TNXB: variants seen among roughly 807,000 people sequenced by gnomAD.
TNXB encodes tenascin XB, also known as tenascin-X.
TNXB carries 183 observed loss-of-function variants against 340.5 expected under a neutral mutation model. The observed-to-expected ratio is 0.54, with a 90% confidence interval of 0.48 to 0.61. The LOEUF is 0.61. Among genes scored for constraint, TNXB ranks in the 20% least tolerant of loss-of-function variants. The pLI is 0.00. For missense variants in TNXB, 4,613 were observed against 5,446.4 expected (o/e 0.85, Z 4.82); for synonymous variants, 2,121 against 2,314.5 (o/e 0.92, Z 2.40).
In TNXB at chr6:32,043,894, T is replaced by C. The variant is rs750416041; in HGVS notation, c.11387-2A>G. On this transcript the variant is annotated splice_acceptor_variant, in intron 34 of 43. Transcript: ENST00000644971. LOFTEE classifies it high-confidence loss of function. ...CCACCTGCACACTCTGAGGCTCCCC[T>C]GAAAACATTGGGGATCGAGGGTTAC... is the stretch of plus-strand genomic sequence containing the variant. 23 of 1,613,394 alleles carry C rather than the reference T, an allele frequency of 1.4e-5. No homozygotes were observed. Among genetic ancestry groups the C allele is most frequent in the Non-Finnish European group, 1.9e-5 (23 of 1,179,962 alleles).
Position 32,052,890 on chromosome 6 carries a change from A to T in TNXB, c.8895T>A (p.Pro2965=). 6.2e-7 allele frequency: 1 copy of T among 1,612,936 alleles called. No homozygotes were observed. The highest frequency in any genetic ancestry group is 8.5e-7 in the Non-Finnish European group (1 of 1,179,856). The change falls in exon 26 of 44, where the codon CCT becomes CCA. Residue 2965 remains proline (P), a synonymous_variant. Coordinates refer to ENST00000644971, the MANE Select transcript of TNXB (RefSeq NM_001365276.2). This position sits in a 1 kb window ranked among gnomAD's most constrained non-coding sequence, Gnocchi z 4.7. ...TGGTCCAGGAGAGGCTCAGCGAGTCAGGGGAGGATCCTGTCACTGTCAGCT... is the reference window on the plus strand; with the variant it reads ...TGGTCCAGGAGAGGCTCAGCGAGTCTGGGGAGGATCCTGTCACTGTCAGCT... ...LGELTVTGSS[P]DSLSLSWTIP... is the part of the protein sequence containing the mutation.
At chr6:32,048,760 C>A in intron 28 of TNXB, 110 bp from the exon 29 acceptor site, 1 of 1,121,162 alleles carries the variant, frequency 8.9e-7, no homozygotes, top group Non-Finnish European at 1.2e-6. Context: ...CTCTAAAACG[C>A]TTGTTTTAGA....
intron 18 of TNXB, among the ~76,000 whole-genome samples, 163 bp from the exon 19 acceptor site, chr6:32,065,280 C>T (rs1391378254): frequency 6.6e-6 from 1 of 152,152 alleles, no homozygotes; most frequent in Non-Finnish European, 1.5e-5. Flanking sequence ...TATGGTCCCT[C>T]AACCATGCCA....
At chr6:32,105,943 G>A (rs1780955500) in intron 1 of TNXB, among the ~76,000 whole-genome samples, 1 of 152,178 alleles carries the variant, frequency 6.6e-6, no homozygotes, top group South Asian at 2.1e-4. Context: ...AATAAAGCAG[G>A]AATGAACTAT....
chr6:32,054,800 G>A (rs1364818931), intron 24 of TNXB, among the ~76,000 whole-genome samples: 1 of 152,204 alleles, frequency 6.6e-6, no homozygotes, highest in African/African-American at 2.4e-5. Flanking sequence ...TGACACCCGT[G>A]AGCTGCCCTT....
chr6:32,078,447 CAAAAAA>C (rs755788673), intron 11 of TNXB: 4 of 57,226 alleles, frequency 7.0e-5, no homozygotes, highest in Non-Finnish European at 1.0e-4. Context: ...GACTCTGTCT[CAAAAAA>C]AAAAAAAAAA....
chr6:32,066,134 G>A (rs1778322899), intron 18 of TNXB, among the ~76,000 whole-genome samples: 2 of 152,172 alleles, frequency 1.3e-5, no homozygotes, highest in East Asian at 3.8e-4. Flanking sequence ...GCTCATGCCT[G>A]CTATCCCAGC....
chr6:32,081,667 T>C lies in TNXB; in HGVS notation c.3743A>G (p.Glu1248Gly), dbSNP rs1371252877. ...PLTADGTTAP[E>G]RKEEPPRPEF... ...AGGGCGGGGGGGCTCCTCTTTCCTC[T>C]CTGGAGCTGTAAACAAGGAGATCCA... is the stretch of plus-strand genomic sequence containing the variant. Residue 1248 changes from glutamate (E) to glycine (G), a missense_variant, in exon 10 of 44, where the codon GAG (glutamate) becomes GGG (glycine). Physicochemically the swap from Glu to Gly is moderately conservative, Grantham distance 98 (BLOSUM62 -2). Around this residue, in one of 7 missense-constraint regions of TNXB, gnomAD observed 4,327 missense variants for 4,859.4 expected, o/e 0.89. Transcript: ENST00000644971. This position sits in a 1 kb window ranked among gnomAD's most constrained non-coding sequence, Gnocchi z 5.1. The C allele has an allele frequency of 1.3e-6, 2 of 1,575,582 alleles. No individual in the cohort carries two copies. The highest frequency in any genetic ancestry group is 1.4e-5 in the African/African-American group (1 of 73,996).
In TNXB at chr6:32,047,768, T is replaced by G. The variant is rs763736020; in HGVS notation, c.10290A>C (p.Lys3430Asn). The G allele has an allele frequency of 6.2e-7, 1 of 1,605,970 alleles. No homozygotes were observed. Among genetic ancestry groups the G allele is most frequent in the Non-Finnish European group, 8.5e-7 (1 of 1,176,832 alleles). The change falls in exon 30 of 44, where the codon AAA becomes AAC. Residue 3430 changes from lysine to asparagine, a missense_variant. This residue lies in a region of TNXB where 4,327 missense variants were observed against 4,859.4 expected (regional missense o/e 0.89). Coordinates refer to ENST00000644971, the MANE Select transcript of TNXB (RefSeq NM_001365276.2). This position sits in a 1 kb window ranked among gnomAD's most constrained non-coding sequence, Gnocchi z 6.2. ...TGTCAGCAGAGATGGGGCCCAGTCG[T>G]TTCCTGCCTGACAGACCATAGAGCA... ...RFLLYGLSGRKRLGPISADST... is the reference protein window; with the variant it reads ...RFLLYGLSGRNRLGPISADST...
Position 32,050,124 on chromosome 6 carries a change from G to T in TNXB, c.9313C>A (p.Arg3105=). ...ACCCCGTCCTCGTGCCCCGGCACCC[G>T]CACCGCCTTGGGCTGCCCATCCCCA... is the stretch of plus-strand genomic sequence containing the variant. ...RNGDGQPKAV[R]VPGHEDGVTI... The change falls in exon 27 of 44, where the codon CGG becomes AGG. Residue 3105 remains arginine, a synonymous_variant. Coordinates refer to ENST00000644971, the MANE Select transcript of TNXB (RefSeq NM_001365276.2). The T allele has an allele frequency of 6.2e-7, 1 of 1,613,760 alleles. No homozygotes were observed. The highest frequency in any genetic ancestry group is 8.5e-7 in the Non-Finnish European group (1 of 1,179,876).
rs1030196926 is a variant in TNXB at position 32,071,570 on chromosome 6, TTTTC to T, written c.4990+416_4990+419del. Among the ~76,000 whole-genome samples the T allele has an allele frequency of 1.4e-4, 17 of 124,360 alleles. No individual in the cohort carries two copies. In the East Asian group the frequency reaches 2.2e-3, roughly 16 times the overall value. 81.6% of individuals were successfully genotyped at this position (124,360 alleles called of 152,430 possible). A position where few individuals can be genotyped will look rare whatever the true frequency, so the allele number is the denominator to read the frequency against. On this transcript the variant is annotated intron_variant, in intron 13 of 43. Coordinates refer to ENST00000644971, the MANE Select transcript of TNXB (RefSeq NM_001365276.2). ...TCCTGGTCCTCATCTGCTTTGCGGC[TTTTC>T]TTTCTTTTTTTTTTTTTTTGGTCTT...
rs750171701 is a variant in TNXB, at chr6:32,069,943, G to A, written c.5279-82C>T. 5 of 1,434,248 alleles carry A rather than the reference G, an allele frequency of 3.5e-6. No individual in the cohort carries two copies. The highest frequency in any genetic ancestry group is 2.8e-6 in the Non-Finnish European group (3 of 1,074,102). The allele number at this position is 1,434,248 out of a possible 1,614,324, so 88.8% of individuals were successfully genotyped here. ...CTCGACGGGCAGGATTGAGAGGTCT[G>A]GAGACAGGGCTTTGCGTGGCTGAGT... is the stretch of plus-strand genomic sequence containing the variant. On this transcript the variant is annotated intron_variant, in intron 14 of 43. Coordinates refer to ENST00000644971, the MANE Select transcript of TNXB (RefSeq NM_001365276.2). The surrounding 1 kb of genome is among the most constrained non-coding windows in gnomAD (Gnocchi z 6.2).
chr6:32,086,745 A>G (rs1021241459), intron 6 of TNXB, among the ~76,000 whole-genome samples: 5 of 152,180 alleles, frequency 3.3e-5, no homozygotes, highest in African/African-American at 7.2e-5. Context: ...CACCTCCCCA[A>G]TATACAGTTG....
Position 32,055,935 on chromosome 6 carries a change from C to G in TNXB, c.8383G>C (p.Glu2795Gln), listed in dbSNP as rs1011681305. 2 of 1,613,534 alleles carry G rather than the reference C, an allele frequency of 1.2e-6. No homozygotes were observed. The highest frequency in any genetic ancestry group is 1.7e-6 in the Non-Finnish European group (2 of 1,179,884). ...EESEVTVGGL[E>Q]PGRKYKMHLY... ...TGCATCTTGTATTTGCGCCCGGGCT[C>G]CAGGCCCCCCACGGTGACCTCGCTC... The change falls in exon 24 of 44, where the codon GAG (glutamate) becomes CAG (glutamine). Residue 2795 changes from glutamate to glutamine, a missense_variant. Physicochemically the swap from Glu to Gln is conservative, Grantham distance 29 (BLOSUM62 2). Around this residue, in one of 7 missense-constraint regions of TNXB, gnomAD observed 4,327 missense variants for 4,859.4 expected, o/e 0.89. Transcript: ENST00000644971.
chr6:32,049,976 G>C lies in TNXB; in HGVS notation c.9439+22C>G, dbSNP rs1777165561. 6.2e-7 allele frequency: 1 copy of C among 1,612,218 alleles called. No homozygotes were observed. ...GTGGCCCTCCCACAGCTCCCACCCT[G>C]GGGCTCCCATCATTCACTCACCCGT... is the stretch of plus-strand genomic sequence containing the variant. On this transcript the variant is annotated intron_variant, in intron 27 of 43. Coordinates refer to ENST00000644971, the MANE Select transcript of TNXB (RefSeq NM_001365276.2). This position sits in a 1 kb window ranked among gnomAD's most constrained non-coding sequence, Gnocchi z 4.5.
rs548916627 is a variant in TNXB, at chr6:32,050,410, A to G, written c.9116-89T>C. ...GTCACAAAACACAAAGTGCCCAAGA[A>G]CAGGACGATGCTGCCCACAGCGCCT... On this transcript the variant is annotated intron_variant, in intron 26 of 43. Coordinates refer to ENST00000644971, the MANE Select transcript of TNXB (RefSeq NM_001365276.2). 347 of 1,513,698 alleles carry G rather than the reference A, an allele frequency of 2.3e-4. 3 individuals are homozygous for G. In the East Asian group the frequency reaches 5.3e-3, roughly 23 times the overall value. 93.8% of individuals were successfully genotyped at this position (1,513,698 alleles called of 1,614,324 possible).
At chr6:32,043,621 T>A in intron 35 of TNXB, 65 bp from the exon 36 acceptor site, 1 of 1,375,168 alleles carries the variant, frequency 7.3e-7, no homozygotes, top group Non-Finnish European at 1.0e-6. Flanking sequence ...CTCCCCAGAC[T>A]CCACTGGCCT....
At chr6:32,086,318 G>C (rs1779773095) in intron 6 of TNXB, among the ~76,000 whole-genome samples, 200 bp from the exon 7 acceptor site, 1 of 152,084 alleles carries the variant, frequency 6.6e-6, no homozygotes, top group South Asian at 2.1e-4. Flanking sequence ...CTGAGCAGAC[G>C]GGCCTGTGCT....
In TNXB at chr6:32,072,179, C is replaced by A. The variant is rs1475833749; in HGVS notation, c.4801G>T (p.Glu1601Ter). Residue 1601 changes from glutamate to a stop codon, truncating the protein, a stop_gained, in exon 13 of 44, where the codon GAG becomes TAG. Coordinates refer to ENST00000644971, the MANE Select transcript of TNXB (RefSeq NM_001365276.2). LOFTEE classifies it high-confidence loss of function. This position sits in a 1 kb window ranked among gnomAD's most constrained non-coding sequence, Gnocchi z 4.4. Reference sequence around the variant, plus strand: ...ACCACAAAGGAGTCGAATTCACCCTCAGGGACTGTCCATGAGAGGCCCACA... The same window carrying A: ...ACCACAAAGGAGTCGAATTCACCCTAAGGGACTGTCCATGAGAGGCCCACA... Reference protein sequence around the residue: ...DSVGLSWTVPEGEFDSFVVQY... With the variant: ...DSVGLSWTVP The A allele has an allele frequency of 6.2e-7, 1 of 1,613,380 alleles. No individual in the cohort carries two copies. Among genetic ancestry groups the A allele is most frequent in the East Asian group, 2.2e-5 (1 of 44,882 alleles).
Sources: allele counts gnomAD v4.1 joint callset (sites outside exome capture counted in the v4.1 genomes callset), GRCh38; gene constraint gnomAD v4.1.1; regional missense constraint gnomAD v4.1.1; non-coding constraint Gnocchi (gnomAD v3.1); transcripts MANE v1.5; gene names NCBI Gene and HGNC (gene_info 2026-07-23, HGNC 2026-07-21).